The following DNAH5 variants were observed in gnomAD, a reference collection of about 807,000 sequenced individuals.
The protein encoded by DNAH5 is dynein axonemal heavy chain 5.
DNAH5 carries 372 observed loss-of-function variants against 518.2 expected under a neutral mutation model. That is an observed-to-expected ratio of 0.72 (90% confidence interval 0.66 to 0.78). The LOEUF is 0.78. DNAH5 is among the 30% of genes least tolerant of loss of function. The pLI, the probability that DNAH5 is intolerant of heterozygous loss-of-function variation, is 0.00. For missense variants in DNAH5, 5,523 were observed against 5,687.0 expected, an observed-to-expected ratio of 0.97 and a Z score of 0.93; for synonymous variants, 2,039 against 2,025.9, an observed-to-expected ratio of 1.01 and a Z score of -0.17.
At chr5:13,704,240 T>C (rs978369783) in intron 76 of DNAH5, among the ~76,000 whole-genome samples, 1 of 152,182 alleles carries the variant, frequency 6.6e-6, no homozygotes, top group Non-Finnish European at 1.5e-5. Context: ...GCCAGCCCCT[T>C]CTGCTTTTAT....
chr5:13,894,273 T>G (rs1353871847), intron 16 of DNAH5, among the ~76,000 whole-genome samples: 1 of 152,190 alleles, frequency 6.6e-6, no homozygotes, highest in Non-Finnish European at 1.5e-5. Context: ...TTGTTTAAAT[T>G]TTTCCCATTT....
intron 15 of DNAH5, chr5:13,897,670 A>G (rs1166042860): frequency 6.6e-6 from 1 of 152,230 alleles, no homozygotes; most frequent in African/African-American, 2.4e-5. Context: ...AAACCTGCCA[A>G]TAGATCTGCT....
chr5:13,692,401 C>T (rs1579766670), intron 78 of DNAH5, among the ~76,000 whole-genome samples: 2 of 152,258 alleles, frequency 1.3e-5, no homozygotes, highest in South Asian at 4.1e-4. Context: ...TAACTCATGC[C>T]CACATGCTTC....
intron 47 of DNAH5, among the ~76,000 whole-genome samples, chr5:13,796,408 A>G (rs1757828479): frequency 6.6e-6 from 1 of 152,202 alleles, no homozygotes; most frequent in Admixed American, 6.5e-5. Flanking sequence ...CACCATTAAC[A>G]GACAAACAGA....
intron 60 of DNAH5, 109 bp from the exon 61 acceptor site, chr5:13,759,092 T>G (rs1305188677): frequency 2.1e-6 from 3 of 1,440,496 alleles, no homozygotes; most frequent in Non-Finnish European, 2.9e-6. Flanking sequence ...CTTTGCTTTG[T>G]TCCCGCTCCA....
At chr5:13,768,341 C>A (rs115207531) in intron 58 of DNAH5, among the ~76,000 whole-genome samples, 1 of 152,156 alleles carries the variant, frequency 6.6e-6, no homozygotes, top group Non-Finnish European at 1.5e-5. Context: ...TGTCTGCTTC[C>A]GTTCACCTTC....
chr5:13,886,545 G>A (rs80289633), intron 17 of DNAH5, among the ~76,000 whole-genome samples: 2,334 of 152,192 alleles, frequency 0.015, 64 homozygotes, highest in African/African-American at 0.052. Flanking sequence ...ACTATATTGT[G>A]CATTTCTCAA....
chr5:13,965,877 A>G (rs1781490572), intron 1 of DNAH5, among the ~76,000 whole-genome samples: 1 of 152,132 alleles, frequency 6.6e-6, no homozygotes, highest in South Asian at 2.1e-4. Flanking sequence ...GGTTCCATGG[A>G]CACCAACAGG....
chr5:13,701,323 A>C lies in DNAH5; in HGVS notation c.13452T>G (p.Gly4484=), dbSNP rs758092290. ...TTAAAAATCCCTGGGGGTTAAAAAA[A>C]CCCGTCATCCAAAAGCAGTGAGGTC... ...NGRPHCFWMT[G]FFNPQGFLTA... is the part of the protein sequence containing the mutation. Residue 4484 remains glycine, a synonymous_variant, in exon 77 of 79, where the codon GGT becomes GGG. Coordinates refer to ENST00000265104, the MANE Select transcript of DNAH5 (RefSeq NM_001369.3). The C allele has an allele frequency of 6.2e-7, 1 of 1,614,084 alleles. No homozygotes were observed. Among genetic ancestry groups the C allele is most frequent in the Non-Finnish European group, 8.5e-7 (1 of 1,179,996 alleles).
In DNAH5 at chr5:13,776,606, T is replaced by C; in HGVS notation, c.9206A>G (p.Asn3069Ser). ...CCGACTCATGAAGTAGTCGTGCAGG[T>C]TCTCATTGGTAGGAAGGCACCTGGG... ...EFPRCLPTNE[N>S]LHDYFMSRVR... The change falls in exon 55 of 79, where the codon AAC becomes AGC. Residue 3069 changes from asparagine (N) to serine (S), a missense_variant. By Grantham distance (46) the Asn-to-Ser change is conservative. Around this residue, in one of 3 missense-constraint regions of DNAH5, gnomAD observed 5,121 missense variants for 5,223.3 expected, o/e 0.98. Coordinates refer to ENST00000265104, the MANE Select transcript of DNAH5 (RefSeq NM_001369.3). 1 of 1,613,894 alleles carries C rather than the reference T, an allele frequency of 6.2e-7. No individual in the cohort carries two copies.
chr5:13,898,759 G>A (rs752319982), intron 15 of DNAH5: 11 of 396,284 alleles, frequency 2.8e-5, no homozygotes, highest in Non-Finnish European at 4.9e-5. Flanking sequence ...ACTTAGTATT[G>A]TCACGTGATG....
chr5:14,000,635 C>CAAAA (rs111658670), intron 1 of DNAH5, among the ~76,000 whole-genome samples: 3,360 of 126,132 alleles, frequency 0.027, 78 homozygotes, highest in African/African-American at 0.082. Context: ...GTTAAAAAGC[C>CAAAA]AAAAAAAAAA....
At chr5:13,769,332 C>T (rs992058315) in intron 57 of DNAH5, among the ~76,000 whole-genome samples, 169 bp downstream of exon 57, 2 of 150,066 alleles carry the variant, frequency 1.3e-5, no homozygotes, top group African/African-American at 4.9e-5. Context: ...ACTGCAAGCT[C>T]CGCCTCCTGC....
chr5:13,973,723 A>C (rs1160028109), intron 1 of DNAH5, among the ~76,000 whole-genome samples: 1 of 458 alleles, frequency 2.2e-3, no homozygotes, highest in Non-Finnish European at 7.6e-3. Flanking sequence ...ACTTATGTTA[A>C]AAAAAAAAAA....
At position 13,824,336 on chromosome 5, in the gene DNAH5, A is replaced by G. The variant is rs768189695; in HGVS notation, c.6445-3T>C. ...CGCAGGCCAAAGTCATAATGAACCT[A>G]GAGAATGTGAGATACATTGGGCTTA... On this transcript the variant is annotated splice_polypyrimidine_tract_variant and splice_region_variant and intron_variant, in intron 38 of 78. Transcript: ENST00000265104. 1 of 1,614,066 alleles carries G rather than the reference A, an allele frequency of 6.2e-7. No homozygotes were observed. Among genetic ancestry groups the G allele is most frequent in the Admixed American group, 1.7e-5 (1 of 60,018 alleles).
intron 1 of DNAH5, among the ~76,000 whole-genome samples, chr5:13,952,638 A>G (rs1363448203): frequency 6.6e-6 from 1 of 152,208 alleles, no homozygotes; most frequent in African/African-American, 2.4e-5. Context: ...GCCCATTTAT[A>G]ATCCCATCCA....
At chr5:13,767,044 G>A (rs1752600603) in intron 58 of DNAH5, among the ~76,000 whole-genome samples, 1 of 151,828 alleles carries the variant, frequency 6.6e-6, no homozygotes, top group African/African-American at 2.4e-5. Flanking sequence ...AAGGACTGAG[G>A]ACAAAGAAAA....
Position 13,853,753 on chromosome 5 carries a change from A to G in DNAH5, c.4951-2938T>C, listed in dbSNP as rs551435292. ...AGAAGTATCAATACCCAAATTGATC[A>G]AGCAGAAGAAAGGATATCAGAGATT... is the stretch of plus-strand genomic sequence containing the variant. On this transcript the variant is annotated intron_variant, in intron 30 of 78. Transcript: ENST00000265104. Among the ~76,000 whole-genome samples, 21 of 152,082 alleles carry G rather than the reference A, an allele frequency of 1.4e-4. No homozygotes were observed. The South Asian group carries it at 4.1e-3, about 30-fold the overall frequency.
At chr5:13,939,645 G>A (rs2152022689) in intron 1 of DNAH5, among the ~76,000 whole-genome samples, 1 of 152,170 alleles carries the variant, frequency 6.6e-6, no homozygotes, top group African/African-American at 2.4e-5. Flanking sequence ...ATGCTTCCCA[G>A]CCCAGCCTAA....
Sources: allele counts gnomAD v4.1 joint callset (sites outside exome capture counted in the v4.1 genomes callset), GRCh38; gene constraint gnomAD v4.1.1; regional missense constraint gnomAD v4.1.1; transcripts MANE v1.5; gene names NCBI Gene and HGNC (gene_info 2026-07-23, HGNC 2026-07-21).